Variants in EXOC6B observed in about 807,000 individuals in gnomAD.
The protein encoded by EXOC6B is SEC15 homolog B.
Under a neutral mutation model 113.5 loss-of-function variants are expected in EXOC6B, and 54 were observed. That is an observed-to-expected ratio of 0.48 (90% confidence interval 0.38 to 0.60). The LOEUF (loss-of-function observed/expected upper bound fraction) is 0.60, where lower values mean the gene tolerates loss of function less well. EXOC6B is among the 20% of genes least tolerant of loss of function. EXOC6B has a pLI of 0.00. For synonymous variants in EXOC6B, 357 were observed against 339.0 expected, an observed-to-expected ratio of 1.05 and a Z score of -0.58; for missense variants, 797 against 977.5, an observed-to-expected ratio of 0.82 and a Z score of 2.46.
intron 6 of EXOC6B, among the ~76,000 whole-genome samples, chr2:72,680,762 G>A (rs1309164775): frequency 6.6e-6 from 1 of 151,504 alleles, no homozygotes; most frequent in Non-Finnish European, 1.5e-5. Context: ...AAAAAAAGGA[G>A]CACTCCAATC....
intron 20 of EXOC6B, among the ~76,000 whole-genome samples, chr2:72,275,663 T>C (rs1339482965): frequency 2.0e-5 from 3 of 152,200 alleles, no homozygotes; most frequent in African/African-American, 4.8e-5. Context: ...ACAAGTACAA[T>C]TGGCCCTGGA....
intron 19 of EXOC6B, among the ~76,000 whole-genome samples, chr2:72,376,538 G>A (rs888056836): frequency 6.6e-6 from 1 of 152,050 alleles, no homozygotes; most frequent in Admixed American, 6.6e-5. Flanking sequence ...ATGTGCCTCA[G>A]TGTAGCTTTC....
chr2:72,301,146 T>A (rs1686500851), intron 20 of EXOC6B, among the ~76,000 whole-genome samples: 1 of 152,228 alleles, frequency 6.6e-6, no homozygotes, highest in Admixed American at 6.5e-5. Context: ...TGAATCACAT[T>A]TACTGATGTG....
chr2:72,298,356 C>G (rs1686279618), intron 20 of EXOC6B, among the ~76,000 whole-genome samples: 1 of 152,032 alleles, frequency 6.6e-6, no homozygotes, highest in African/African-American at 2.4e-5. Context: ...TTCTCCATCC[C>G]TTTATTTTGA....
At chr2:72,211,158 G>A (rs1055638922) in intron 20 of EXOC6B, among the ~76,000 whole-genome samples, 8 of 152,106 alleles carry the variant, frequency 5.3e-5, no homozygotes, top group Admixed American at 1.3e-4. Context: ...ATTCCTCAGT[G>A]GACCAGTTTC....
At chr2:72,782,126 C>T (rs1200498102) in intron 1 of EXOC6B, among the ~76,000 whole-genome samples, 1 of 141,668 alleles carries the variant, frequency 7.1e-6, no homozygotes, top group East Asian at 2.0e-4. Flanking sequence ...GGCAACAGAG[C>T]GAGACTCACT....
intron 17 of EXOC6B, among the ~76,000 whole-genome samples, chr2:72,476,653 T>C (rs1222362729): frequency 6.8e-6 from 1 of 147,724 alleles, no homozygotes; most frequent in African/African-American, 2.6e-5. Flanking sequence ...TCTTTTCCTT[T>C]TTTTAGTTCT....
intron 20 of EXOC6B, among the ~76,000 whole-genome samples, chr2:72,302,937 G>T (rs1172772614): frequency 6.6e-6 from 1 of 152,094 alleles, no homozygotes; most frequent in Non-Finnish European, 1.5e-5. Flanking sequence ...ACTTAAGTCT[G>T]TTTTTGTATT....
At chr2:72,595,274 TAGATATATAG>T (rs1670002134) in intron 6 of EXOC6B, among the ~76,000 whole-genome samples, 1 of 145,708 alleles carries the variant, frequency 6.9e-6, no homozygotes, top group African/African-American at 2.5e-5. Context: ...TATATATATA[TAGATATATAG>T]ATATATATAT....
At chr2:72,533,047 G>A (rs1351856961) in intron 8 of EXOC6B, among the ~76,000 whole-genome samples, 3 of 152,106 alleles carry the variant, frequency 2.0e-5, no homozygotes, top group African/African-American at 7.2e-5. Context: ...AATATCTGAA[G>A]GTCTCCCTTA....
chr2:72,655,713 T>A (rs962495603), intron 6 of EXOC6B, among the ~76,000 whole-genome samples: 5 of 152,076 alleles, frequency 3.3e-5, no homozygotes, highest in African/African-American at 9.7e-5. Context: ...TTTAAAAAAT[T>A]CAAAATAATT....
chr2:72,728,672 G>A (rs1167933849), intron 5 of EXOC6B, among the ~76,000 whole-genome samples: 1 of 152,088 alleles, frequency 6.6e-6, no homozygotes, highest in Non-Finnish European at 1.5e-5. Context: ...GAGAACTCTG[G>A]AGCAAAATTA....
chr2:72,444,511 C>A (rs1403598670), intron 18 of EXOC6B, among the ~76,000 whole-genome samples: 1 of 152,218 alleles, frequency 6.6e-6, no homozygotes, highest in Non-Finnish European at 1.5e-5. Flanking sequence ...TTCTGCACTG[C>A]CCTAGCAGAG....
At chr2:72,681,740 CAA>C (rs1676718286) in intron 6 of EXOC6B, among the ~76,000 whole-genome samples, 2 of 151,712 alleles carry the variant, frequency 1.3e-5, no homozygotes, top group South Asian at 4.2e-4. Flanking sequence ...CTCTATGACT[CAA>C]GAGTTCAGAA....
intron 18 of EXOC6B, among the ~76,000 whole-genome samples, chr2:72,406,018 C>G (rs1302592353): frequency 6.6e-6 from 1 of 151,964 alleles, no homozygotes; most frequent in Non-Finnish European, 1.5e-5. Flanking sequence ...ATCTACCAAG[C>G]AAATGGAAAA....
rs1464579134 is a variant in EXOC6B at position 72,473,801 on chromosome 2, G to A, written c.1800+6815C>T. 5.3e-5 allele frequency among the ~76,000 whole-genome samples: 8 copies of A among 152,086 alleles called. No homozygotes were observed. The East Asian group carries it at 1.5e-3, about 29-fold the overall frequency. Reference sequence around the variant, plus strand: ...TGCGGTTTGGTGGTTTTCTGCAGTAGTACTATTTGAGTCCTTTCTCTTCTT... The same window carrying A: ...TGCGGTTTGGTGGTTTTCTGCAGTAATACTATTTGAGTCCTTTCTCTTCTT... On this transcript the variant is annotated intron_variant, in intron 17 of 21. Transcript: ENST00000272427.
At chr2:72,291,210 G>C (rs886985165) in intron 20 of EXOC6B, among the ~76,000 whole-genome samples, 2 of 152,172 alleles carry the variant, frequency 1.3e-5, no homozygotes, top group African/African-American at 4.8e-5. Flanking sequence ...AAACGTGCAA[G>C]TTTCTTGATT....
At chr2:72,544,293 A>C (rs1210642649) in intron 8 of EXOC6B, among the ~76,000 whole-genome samples, 1 of 152,054 alleles carries the variant, frequency 6.6e-6, no homozygotes, top group African/African-American at 2.4e-5. Flanking sequence ...TGAAAATGAC[A>C]CCTATTCATT....
chr2:72,293,880 G>A (rs771925333), intron 20 of EXOC6B, among the ~76,000 whole-genome samples: 42 of 151,310 alleles, frequency 2.8e-4, no homozygotes, highest in Admixed American at 4.6e-4. Flanking sequence ...GAGTAATCAG[G>A]AAAAAAAAGC....
Sources: gnomAD v4.1 joint callset for allele counts (sites outside exome capture counted in the v4.1 genomes callset) on GRCh38, gnomAD v4.1.1 for gene constraint, MANE v1.5 for transcripts, NCBI Gene and HGNC (gene_info 2026-07-23, HGNC 2026-07-21) for gene names.